Variants in INPP4B observed in about 807,000 individuals in gnomAD.
INPP4B encodes the protein inositol polyphosphate-4-phosphatase type II B.
In INPP4B, 55 loss-of-function variants were observed where a neutral mutation model predicts 122.5. The ratio of observed to expected loss-of-function variants is 0.45; its 90% CI spans 0.36 to 0.56. The LOEUF is 0.56. Ranked by LOEUF, INPP4B falls within the 20% of genes least tolerant of loss-of-function variation. The pLI is 0.00. For synonymous variants in INPP4B, 403 were observed against 388.7 expected (o/e 1.04, Z -0.43); for missense variants, 1,000 against 1,097.7 (o/e 0.91, Z 1.26).
At chr4:142,427,338 C>T (rs1320428904) in intron 5 of INPP4B, 3 of 406,726 alleles carry the variant, frequency 7.4e-6, no homozygotes, top group African/African-American at 6.3e-5. Flanking sequence ...TGCCATTTGA[C>T]AAGATAAAAT....
chr4:142,437,752 A>G (rs530354912), intron 3 of INPP4B, among the ~76,000 whole-genome samples: 5 of 152,304 alleles, frequency 3.3e-5, no homozygotes, highest in East Asian at 1.9e-4. Context: ...AAACACCTCT[A>G]TGCAAATAAA....
intron 1 of INPP4B, among the ~76,000 whole-genome samples, chr4:142,728,255 T>C (rs932717887): frequency 6.6e-6 from 1 of 152,166 alleles, no homozygotes; most frequent in African/African-American, 2.4e-5. Context: ...TGTTTCAGAC[T>C]CAGAACCTTA....
intron 2 of INPP4B, among the ~76,000 whole-genome samples, chr4:142,474,762 A>G (rs1295099114): frequency 6.6e-6 from 1 of 152,086 alleles, no homozygotes; most frequent in Non-Finnish European, 1.5e-5. Flanking sequence ...TGTCTGGAGA[A>G]ACATCCAGAT....
chr4:142,529,661 C>T (rs1398375208), intron 2 of INPP4B, among the ~76,000 whole-genome samples: 1 of 151,792 alleles, frequency 6.6e-6, no homozygotes, highest in Non-Finnish European at 1.5e-5. Flanking sequence ...TTTTGGGGGT[C>T]TTCAACAAAT....
At chr4:142,576,353 T>A (rs934703082) in intron 2 of INPP4B, among the ~76,000 whole-genome samples, 1 of 151,984 alleles carries the variant, frequency 6.6e-6, no homozygotes, top group Non-Finnish European at 1.5e-5. Context: ...ATTTTTTAAA[T>A]AAAAAGTTGC....
chr4:142,424,591 C>G (rs1171649538), intron 5 of INPP4B, among the ~76,000 whole-genome samples: 2 of 152,026 alleles, frequency 1.3e-5, no homozygotes, highest in African/African-American at 4.8e-5. Flanking sequence ...TTAAAACTTT[C>G]ATATTCTTTT....
At chr4:142,604,638 A>G (rs2150312470) in intron 2 of INPP4B, among the ~76,000 whole-genome samples, 1 of 152,206 alleles carries the variant, frequency 6.6e-6, no homozygotes, top group Non-Finnish European at 1.5e-5. Context: ...GCTACAAAAA[A>G]ATACTTGAAA....
chr4:142,145,739 CAA>C (rs1196591643), intron 18 of INPP4B, 99 bp downstream of exon 18: 20 of 1,171,292 alleles, frequency 1.7e-5, no homozygotes, highest in Non-Finnish European at 2.5e-5. Context: ...GCACTCTCAT[CAA>C]AGATACTATT....
chr4:142,493,904 C>T (rs1822193880), intron 2 of INPP4B, among the ~76,000 whole-genome samples: 1 of 152,138 alleles, frequency 6.6e-6, no homozygotes, highest in Non-Finnish European at 1.5e-5. Flanking sequence ...CCACACAAAT[C>T]TTATCCTGAA....
intron 12 of INPP4B, 64 bp downstream of exon 12, chr4:142,237,800 C>T: frequency 1.1e-6 from 1 of 934,270 alleles, no homozygotes; most frequent in Non-Finnish European, 1.6e-6. Context: ...TATAATTTGT[C>T]AATTAAAAAT....
In INPP4B at chr4:142,739,968, C is replaced by T. The variant is rs577943833; in HGVS notation, c.-253-14067G>A. Among the ~76,000 whole-genome samples the T allele has an allele frequency of 1.2e-4, 18 of 151,956 alleles. 1 individual carries two copies. Among genetic ancestry groups the T allele is most frequent in the South Asian group, 4.2e-4 (2 of 4,810 alleles). On this transcript the variant is annotated intron_variant, in intron 1 of 25. Coordinates refer to ENST00000262992, the MANE Select transcript of INPP4B (RefSeq NM_001101669.3). ...ATTTTCATAACATTTCTGATTTAGC[C>T]GAAAGAGGATGGAACTTTTACTACT...
chr4:142,036,922 C>G (rs1035010345), intron 25 of INPP4B, among the ~76,000 whole-genome samples: 7 of 152,134 alleles, frequency 4.6e-5, no homozygotes, highest in East Asian at 1.9e-4. Flanking sequence ...TCATGGCCAC[C>G]AATGAATCTG....
chr4:142,370,888 T>C (rs2148698436), intron 7 of INPP4B, among the ~76,000 whole-genome samples: 1 of 152,142 alleles, frequency 6.6e-6, no homozygotes, highest in Admixed American at 6.6e-5. Flanking sequence ...ATGCAACCCC[T>C]ATCAAAATAC....
At chr4:142,565,340 A>G (rs1183145010) in intron 2 of INPP4B, among the ~76,000 whole-genome samples, 1 of 152,232 alleles carries the variant, frequency 6.6e-6, no homozygotes, top group Non-Finnish European at 1.5e-5. Flanking sequence ...AAGACAAAGT[A>G]GCCAACTTGA....
intron 2 of INPP4B, among the ~76,000 whole-genome samples, chr4:142,684,360 G>T (rs1370394801): frequency 3.3e-5 from 5 of 152,026 alleles, no homozygotes; most frequent in African/African-American, 9.7e-5. Flanking sequence ...ACATAGAAAA[G>T]TCAAAAAGGC....
intron 25 of INPP4B, among the ~76,000 whole-genome samples, chr4:142,064,684 T>C (rs1404569214): frequency 4.6e-5 from 7 of 152,236 alleles, no homozygotes; most frequent in Admixed American, 4.6e-4. Flanking sequence ...TTCTCACTTT[T>C]GTTCTAGTCT....
intron 1 of INPP4B, among the ~76,000 whole-genome samples, chr4:142,825,780 A>G (rs2151166913): frequency 6.6e-6 from 1 of 152,178 alleles, no homozygotes; most frequent in Admixed American, 6.6e-5. Context: ...CTGAAAGGAT[A>G]AAATATAAAA....
At chr4:142,637,488 T>C (rs1319711624) in intron 2 of INPP4B, among the ~76,000 whole-genome samples, 3 of 152,194 alleles carry the variant, frequency 2.0e-5, no homozygotes, top group Non-Finnish European at 2.9e-5. Flanking sequence ...TTTAATAATA[T>C]GCATTTGAAT....
intron 2 of INPP4B, among the ~76,000 whole-genome samples, chr4:142,511,434 A>G (rs959946962): frequency 6.6e-6 from 1 of 152,212 alleles, no homozygotes; most frequent in African/African-American, 2.4e-5. Context: ...TTTATCATCT[A>G]GAAATCCTCT....
Sources: gnomAD v4.1 joint callset for allele counts (sites outside exome capture counted in the v4.1 genomes callset) on GRCh38, gnomAD v4.1.1 for gene constraint, MANE v1.5 for transcripts, NCBI Gene and HGNC (gene_info 2026-07-23, HGNC 2026-07-21) for gene names.